ANKRD36: variants seen among roughly 807,000 people sequenced by gnomAD.
ANKRD36 encodes the protein ankyrin repeat domain-containing protein 36A.
A neutral mutation model predicts 278.1 loss-of-function variants in ANKRD36; 179 were observed. That is an observed-to-expected ratio of 0.64 (90% CI 0.57 to 0.73). ANKRD36 has a LOEUF of 0.73. Among genes scored for constraint, ANKRD36 ranks in the 30% least tolerant of loss-of-function variants. The pLI, the probability that ANKRD36 is intolerant of heterozygous loss-of-function variation, is 0.00. For synonymous variants in ANKRD36, 320 were observed against 641.1 expected (o/e 0.50, Z 7.57); for missense variants, 1,159 against 1,956.7 (o/e 0.59, Z 7.69).
chr2:97,127,398 A>C (rs935374009), intron 6 of ANKRD36, among the ~76,000 whole-genome samples: 2 of 151,932 alleles, frequency 1.3e-5, no homozygotes, highest in African/African-American at 4.8e-5. Flanking sequence ...AAGAAAACAA[A>C]TTTTTAAGTT....
Position 97,113,872 on chromosome 2 carries a change from C to T in ANKRD36, c.133C>T (p.Leu45=), listed in dbSNP as rs1390962321. ...RIHRAVLHGN[L]EKLKYLLLTY... is the part of the protein sequence containing the mutation. Reference sequence around the variant, plus strand: ...CCACAGAGCTGTCTTACATGGTAATCTAGAGAAACTGAAGTACCTTCTGCT... The same window carrying T: ...CCACAGAGCTGTCTTACATGGTAATTTAGAGAAACTGAAGTACCTTCTGCT... The change falls in exon 1 of 76, where the codon CTA becomes TTA. Residue 45 remains leucine (L), a synonymous_variant. Coordinates refer to ENST00000420699, the MANE Select transcript of ANKRD36 (RefSeq NM_001354587.1). The T allele has an allele frequency of 6.2e-7, 1 of 1,613,048 alleles. No individual in the cohort carries two copies. Among genetic ancestry groups the T allele is most frequent in the African/African-American group, 1.3e-5 (1 of 74,888 alleles).
Position 97,143,866 on chromosome 2 carries a change from G to T in ANKRD36, c.902-652G>T, listed in dbSNP as rs71429328. 7.0e-4 allele frequency among the ~76,000 whole-genome samples: 94 copies of T among 134,944 alleles called. 1 individual carries two copies. Among genetic ancestry groups the T allele is most frequent in the African/African-American group, 2.6e-3 (91 of 34,904 alleles). The allele number at this position is 134,944 out of a possible 152,430, so 88.5% of individuals were successfully genotyped here. On this transcript the variant is annotated intron_variant, in intron 8 of 75. Coordinates refer to ENST00000420699, the MANE Select transcript of ANKRD36 (RefSeq NM_001354587.1). ...TATTATACTTTCTTGCCATGAGTGG[G>T]TGAAGAAACTTTCTGAAGGCTAAAC...
intron 66 of ANKRD36, among the ~76,000 whole-genome samples, chr2:97,220,729 C>CTTTTTTTT: frequency 2.7e-4 from 18 of 66,488 alleles, no homozygotes; most frequent in Admixed American, 3.2e-4. Flanking sequence ...GATTTTCTTG[C>CTTTTTTTT]TTTTTTTTTT....
At chr2:97,147,025 A>G (rs1323559232) in intron 11 of ANKRD36, among the ~76,000 whole-genome samples, 5 of 151,462 alleles carry the variant, frequency 3.3e-5, no homozygotes, top group Non-Finnish European at 5.9e-5. Flanking sequence ...TTTTAAAGGC[A>G]GATATCAGTT....
intron 50 of ANKRD36, among the ~76,000 whole-genome samples, chr2:97,204,818 A>T (rs925693277): frequency 1.5e-4 from 23 of 151,474 alleles, no homozygotes; most frequent in African/African-American, 5.6e-4. Context: ...TGCATTTGGA[A>T]TATTTTCATA....
At chr2:97,183,032 G>A (rs1422061183) in intron 26 of ANKRD36, among the ~76,000 whole-genome samples, 2 of 151,646 alleles carry the variant, frequency 1.3e-5, no homozygotes, top group African/African-American at 4.8e-5. Flanking sequence ...TTAAAAGAGC[G>A]TGATGAATAC....
intron 46 of ANKRD36, 111 bp downstream of exon 46, chr2:97,200,636 T>A (rs1253518158): frequency 8.9e-6 from 13 of 1,468,014 alleles, no homozygotes; most frequent in Middle Eastern, 2.4e-4. Flanking sequence ...TTCACCAAGC[T>A]TGAGATTCTT....
In ANKRD36 at chr2:97,200,656, C is replaced by T; in HGVS notation, c.2857+131C>T. On this transcript the variant is annotated intron_variant, in intron 46 of 75. Coordinates refer to ENST00000420699, the MANE Select transcript of ANKRD36 (RefSeq NM_001354587.1). ...CAAGCTTGAGATTCTTCTTTTCTAA[C>T]AAGTTCTTGGGTTATGCTGATGCTG... 3.5e-6 allele frequency: 5 copies of T among 1,427,668 alleles called. No individual in the cohort carries two copies. The South Asian group carries it at 5.4e-5, about 15-fold the overall frequency. 88.4% of individuals were successfully genotyped at this position (1,427,668 alleles called of 1,614,324 possible).
At chr2:97,212,100 T>C (rs2064821301) in intron 58 of ANKRD36, among the ~76,000 whole-genome samples, 1 of 151,878 alleles carries the variant, frequency 6.6e-6, no homozygotes, top group Non-Finnish European at 1.5e-5. Flanking sequence ...CAGATTGTAT[T>C]GTGATAAACA....
At chr2:97,187,044 G>A in intron 30 of ANKRD36, among the ~76,000 whole-genome samples, 154 bp from the exon 31 acceptor site, 1 of 151,820 alleles carries the variant, frequency 6.6e-6, no homozygotes, top group African/African-American at 2.4e-5. Flanking sequence ...TAGTATATTT[G>A]TGTCATGCTC....
intron 68 of ANKRD36, among the ~76,000 whole-genome samples, chr2:97,234,948 T>G (rs1218368035): frequency 7.4e-6 from 1 of 135,568 alleles, no homozygotes; most frequent in Admixed American, 7.5e-5. Flanking sequence ...CAAGGGTATT[T>G]TTGCCAGTTT....
At chr2:97,118,012 G>A in intron 1 of ANKRD36, 52 bp from the exon 2 acceptor site, 1 of 1,532,428 alleles carries the variant, frequency 6.5e-7, no homozygotes, top group Non-Finnish European at 8.8e-7. Flanking sequence ...GAAATGACAT[G>A]CTAATTAATG....
chr2:97,217,386 A>C lies in ANKRD36; in HGVS notation c.3775+14A>C. The C allele has an allele frequency of 6.5e-7, 1 of 1,550,090 alleles. No homozygotes were observed. The highest frequency in any genetic ancestry group is 2.5e-5 in the East Asian group (1 of 40,430). Reference sequence around the variant, plus strand: ...AATCTGGAACAGGTAATTTAGCAATATACATTTAATGTCATGTGCACTCAA... The same window carrying C: ...AATCTGGAACAGGTAATTTAGCAATCTACATTTAATGTCATGTGCACTCAA... On this transcript the variant is annotated intron_variant, in intron 64 of 75. Coordinates refer to ENST00000420699, the MANE Select transcript of ANKRD36 (RefSeq NM_001354587.1).
Position 97,122,872 on chromosome 2 carries a change from G to A in ANKRD36, c.487-15G>A. On this transcript the variant is annotated splice_polypyrimidine_tract_variant and intron_variant, in intron 3 of 75. Coordinates refer to ENST00000420699, the MANE Select transcript of ANKRD36 (RefSeq NM_001354587.1). The stretch of plus-strand genomic sequence containing the variant: ...TGTAATTTTGTGATTATAAATTGTT[G>A]CTGTTATTTTACAGTGTGAATATCA... The A allele has an allele frequency of 6.5e-7, 1 of 1,528,644 alleles. No homozygotes were observed. Among genetic ancestry groups the A allele is most frequent in the South Asian group, 1.2e-5 (1 of 81,288 alleles). 94.7% of individuals were successfully genotyped at this position (1,528,644 alleles called of 1,614,324 possible).
At chr2:97,177,192 G>A (rs2054523133) in intron 22 of ANKRD36, among the ~76,000 whole-genome samples, 1 of 151,840 alleles carries the variant, frequency 6.6e-6, no homozygotes, top group South Asian at 2.1e-4. Flanking sequence ...ACAAACAAAT[G>A]GAAGAACATT....
At chr2:97,139,008 C>T (rs1038205670) in intron 6 of ANKRD36, among the ~76,000 whole-genome samples, 1 of 152,078 alleles carries the variant, frequency 6.6e-6, no homozygotes, top group Non-Finnish European at 1.5e-5. Context: ...CCATTCAGGA[C>T]ATAGGCATGG....
At chr2:97,206,811 A>G (rs1310804568) in intron 52 of ANKRD36, among the ~76,000 whole-genome samples, 1 of 151,578 alleles carries the variant, frequency 6.6e-6, no homozygotes, top group Non-Finnish European at 1.5e-5. Flanking sequence ...ATTAGGCATC[A>G]GAGATACATG....
At chr2:97,185,716 C>T (rs1411672143) in intron 30 of ANKRD36, among the ~76,000 whole-genome samples, 3 of 151,736 alleles carry the variant, frequency 2.0e-5, no homozygotes, top group Admixed American at 6.6e-5. Flanking sequence ...GACTTCCCCA[C>T]ATTGAAATTG....
In ANKRD36 at chr2:97,193,008, T is replaced by G. The variant is rs761239153; in HGVS notation, c.2404T>G (p.Leu802Val). The G allele has an allele frequency of 4.9e-5, 78 of 1,577,168 alleles. No individual in the cohort carries two copies. The highest frequency in any genetic ancestry group is 6.4e-5 in the Non-Finnish European group (74 of 1,161,352). The part of the protein sequence containing the change: ...TATSDEEGSV[L>V]SIARENKDGE... ...TACAAGTGACGAGGAAGGTTCTGTT[T>G]TGAGTATAGCCAGAGAAAACAAGGA... is the stretch of plus-strand genomic sequence containing the variant. The change falls in exon 38 of 76, where the codon TTG (leucine) becomes GTG (valine). Residue 802 changes from leucine (L) to valine (V), a missense_variant. Physicochemically the swap from Leu to Val is conservative, Grantham distance 32. Transcript: ENST00000420699.
Sources: gnomAD v4.1 joint callset for allele counts (sites outside exome capture counted in the v4.1 genomes callset) on GRCh38, gnomAD v4.1.1 for gene constraint, MANE v1.5 for transcripts, NCBI Gene and HGNC (gene_info 2026-07-23, HGNC 2026-07-21) for gene names.